Variants in ACAP2 observed in about 807,000 individuals in gnomAD.
ACAP2 encodes ArfGAP with coiled-coil, ankyrin repeat and PH domains 2.
Under a neutral mutation model 115.8 loss-of-function variants are expected in ACAP2, and 39 were observed. The observed-to-expected ratio is 0.34, with a 90% CI of 0.26 to 0.44. The LOEUF (loss-of-function observed/expected upper bound fraction) is 0.44, where lower values mean the gene tolerates loss of function less well. Among genes scored for constraint, ACAP2 ranks in the 20% least tolerant of loss-of-function variants. The probability of loss-of-function intolerance (pLI) is 1.00; values close to 1 mark genes in which losing one functional copy is unlikely to be tolerated. For synonymous variants in ACAP2, 289 were observed against 315.8 expected, an observed-to-expected ratio of 0.92 and a Z score of 0.90; for missense variants, 662 against 927.6, an observed-to-expected ratio of 0.71 and a Z score of 3.72.
At chr3:195,333,145 C>A (rs1430119672) in intron 7 of ACAP2, 22 bp from the exon 8 acceptor site, 2 of 1,375,174 alleles carry the variant, frequency 1.5e-6, no homozygotes, top group African/African-American at 1.5e-5. Context: ...AAAAAGATGA[C>A]CATTTTAAAA....
At chr3:195,382,601 T>A (rs1191107612) in intron 2 of ACAP2, among the ~76,000 whole-genome samples, 16 of 151,932 alleles carry the variant, frequency 1.1e-4, no homozygotes, top group Admixed American at 1.0e-3. Context: ...TGTCAAATAT[T>A]AAAAAACAGA....
intron 2 of ACAP2, 42 bp from the exon 3 acceptor site, chr3:195,382,064 TAC>T: frequency 1.9e-6 from 3 of 1,575,628 alleles, no homozygotes; most frequent in Non-Finnish European, 2.6e-6. Flanking sequence ...AAGATAGTTT[TAC>T]AAATTACTTA....
chr3:195,439,042 C>T (rs1035804947), intron 1 of ACAP2, among the ~76,000 whole-genome samples: 7 of 148,036 alleles, frequency 4.7e-5, no homozygotes, highest in Non-Finnish European at 8.9e-5. Flanking sequence ...GCTTGGGCAA[C>T]AAGAGCAGAA....
rs1186667963 is a variant in ACAP2 at position 195,391,228 on chromosome 3, CT to C, written c.111+861del. Among the ~76,000 whole-genome samples the C allele has an allele frequency of 2.8e-3, 364 of 129,868 alleles. 3 individuals carry two copies. The highest frequency in any genetic ancestry group is 8.5e-3 in the African/African-American group (302 of 35,402). The allele number at this position is 129,868 out of a possible 152,430, so 85.2% of individuals were successfully genotyped here. A position where few individuals can be genotyped will look rare whatever the true frequency, so the allele number is the denominator to read the frequency against. ...GAAAATACAGAAAAAGCTTCTCTTTCTTTTTTTTTTTTTTTTTTGAGATGGA... is the reference window on the plus strand; with the variant it reads ...GAAAATACAGAAAAAGCTTCTCTTTCTTTTTTTTTTTTTTTTTGAGATGGA... On this transcript the variant is annotated intron_variant, in intron 2 of 22. Transcript: ENST00000326793.
intron 15 of ACAP2, among the ~76,000 whole-genome samples, chr3:195,300,034 CTTTTTTTTTCTTTTTTTTTTT>C (rs58971579): frequency 0.52 from 73,820 of 141,800 alleles, 19,562 homozygotes; most frequent in Middle Eastern, 0.71. Context: ...TTTCTTTTTT[CTTTTTTTTTCTTTTTTTTTTT>C]TTTTTTTTTG....
chr3:195,291,377 G>A (rs541025539), intron 20 of ACAP2, among the ~76,000 whole-genome samples: 1 of 152,250 alleles, frequency 6.6e-6, no homozygotes, highest in South Asian at 2.1e-4. Context: ...TAATGTATAT[G>A]TACATACATA....
At chr3:195,399,901 G>A (rs1344440872) in intron 1 of ACAP2, among the ~76,000 whole-genome samples, 3 of 152,064 alleles carry the variant, frequency 2.0e-5, no homozygotes, top group Non-Finnish European at 2.9e-5. Flanking sequence ...TAATAGGACC[G>A]GGTGCAGTGG....
intron 4 of ACAP2, among the ~76,000 whole-genome samples, chr3:195,379,842 A>C (rs948676821): frequency 2.6e-5 from 4 of 152,178 alleles, no homozygotes; most frequent in Non-Finnish European, 5.9e-5. Flanking sequence ...CAATGGTAAC[A>C]ATGACAGAAG....
intron 4 of ACAP2, among the ~76,000 whole-genome samples, chr3:195,367,738 T>G (rs2108717435): frequency 6.7e-6 from 1 of 149,582 alleles, no homozygotes; most frequent in African/African-American, 2.4e-5. Context: ...CTGACTAGCC[T>G]GCTGGGGAGA....
At chr3:195,341,727 A>C (rs1451763633) in intron 6 of ACAP2, among the ~76,000 whole-genome samples, 1 of 152,206 alleles carries the variant, frequency 6.6e-6, no homozygotes, top group Non-Finnish European at 1.5e-5. Flanking sequence ...TACCTCTAAG[A>C]ATCTAATCTA....
chr3:195,281,228 AC>A (rs2108886432), intron 22 of ACAP2, among the ~76,000 whole-genome samples: 1 of 152,190 alleles, frequency 6.6e-6, no homozygotes, highest in Non-Finnish European at 1.5e-5. Context: ...ACACGGTGAA[AC>A]CCCGTCTCTA....
intron 4 of ACAP2, among the ~76,000 whole-genome samples, chr3:195,345,716 C>A (rs775938752): frequency 6.6e-6 from 1 of 152,112 alleles, no homozygotes; most frequent in Admixed American, 6.5e-5. Context: ...GCTCCAGAAA[C>A]GCCATATACC....
At chr3:195,404,759 T>C (rs969152607) in intron 1 of ACAP2, among the ~76,000 whole-genome samples, 1 of 148,228 alleles carries the variant, frequency 6.7e-6, no homozygotes, top group African/African-American at 2.5e-5. Context: ...TACGTATTTA[T>C]ATAATATAAA....
intron 4 of ACAP2, among the ~76,000 whole-genome samples, chr3:195,374,508 G>A (rs1358524715): frequency 6.6e-6 from 1 of 152,186 alleles, no homozygotes; most frequent in Non-Finnish European, 1.5e-5. Flanking sequence ...TTAAGAAGAT[G>A]AAATTATTTA....
At chr3:195,403,030 A>G (rs1288449656) in intron 1 of ACAP2, among the ~76,000 whole-genome samples, 2 of 152,150 alleles carry the variant, frequency 1.3e-5, no homozygotes, top group Non-Finnish European at 2.9e-5. Flanking sequence ...GTACCATGGG[A>G]AAAAAGGAAA....
chr3:195,431,046 A>G (rs1307086880), intron 1 of ACAP2, among the ~76,000 whole-genome samples: 1 of 152,160 alleles, frequency 6.6e-6, no homozygotes, highest in Non-Finnish European at 1.5e-5. Context: ...CACTAATTGC[A>G]TTTCCCTCAC....
chr3:195,383,202 G>C (rs1405886483), intron 2 of ACAP2, among the ~76,000 whole-genome samples: 1 of 152,060 alleles, frequency 6.6e-6, no homozygotes, highest in Non-Finnish European at 1.5e-5. Flanking sequence ...AGTTCATATG[G>C]AGTAACCACT....
rs913457178 is a variant in ACAP2 at position 195,275,332 on chromosome 3, A to G, written c.*3996T>C. On this transcript the variant is annotated 3_prime_UTR_variant, in exon 23 of 23. Coordinates refer to ENST00000326793, the MANE Select transcript of ACAP2 (RefSeq NM_012287.6). ...AACAGAAAAAGATGTCCACAAAACCATATCTGTAGATGTCATTTGGAAGCA... is the reference window on the plus strand; with the variant it reads ...AACAGAAAAAGATGTCCACAAAACCGTATCTGTAGATGTCATTTGGAAGCA... 1.3e-5 allele frequency: 2 copies of G among 152,248 alleles called. No individual in the cohort carries two copies. The highest frequency in any genetic ancestry group is 2.1e-4 in the South Asian group (1 of 4,834). The allele number at this position is 152,248 out of a possible 1,614,324, so 9.4% of individuals were successfully genotyped here.
chr3:195,419,146 G>C lies in ACAP2; in HGVS notation c.53+23649C>G, dbSNP rs1414215919. Among the ~76,000 whole-genome samples, 5 of 152,052 alleles carry C rather than the reference G, an allele frequency of 3.3e-5. No individual in the cohort carries two copies. In the East Asian group the frequency reaches 9.6e-4, roughly 29 times the overall value. On this transcript the variant is annotated intron_variant, in intron 1 of 22. Transcript: ENST00000326793. Reference sequence around the variant, plus strand: ...AATTCAATAGTTTTTAATATACTCAGAGTTGTGCACCCATCACCCCAGTCT... The same window carrying C: ...AATTCAATAGTTTTTAATATACTCACAGTTGTGCACCCATCACCCCAGTCT...
Sources: gnomAD v4.1 joint callset for allele counts (sites outside exome capture counted in the v4.1 genomes callset) on GRCh38, gnomAD v4.1.1 for gene constraint, MANE v1.5 for transcripts, NCBI Gene and HGNC (gene_info 2026-07-23, HGNC 2026-07-21) for gene names.